Variants in RPTOR observed in about 807,000 individuals in gnomAD.
RPTOR encodes regulatory associated protein of MTOR complex 1, also known as regulatory-associated protein of mTOR.
In RPTOR, 21 loss-of-function variants were observed where a neutral mutation model predicts 169.9. That is an observed-to-expected ratio of 0.12 (90% CI 0.09 to 0.18). The LOEUF is 0.18. Ranked by LOEUF, RPTOR falls within the 10% of genes least tolerant of loss-of-function variation. The pLI is 1.00. For synonymous variants in RPTOR, 732 were observed against 753.2 expected (o/e 0.97, Z 0.46); for missense variants, 1,133 against 1,855.9 (o/e 0.61, Z 7.16).
At chr17:80,642,857 G>A (rs566456484) in intron 2 of RPTOR, among the ~76,000 whole-genome samples, 1 of 152,136 alleles carries the variant, frequency 6.6e-6, no homozygotes. Context: ...AAATGCCACA[G>A]GCGAATGCAA....
intron 29 of RPTOR, among the ~76,000 whole-genome samples, chr17:80,958,202 C>A (rs1568010905): frequency 2.5e-5 from 1 of 40,240 alleles, no homozygotes; most frequent in East Asian, 6.5e-4. Flanking sequence ...ACCTCACCCC[C>A]CCCCCCCACC....
At chr17:80,564,453 AC>A (rs2084549680) in intron 1 of RPTOR, among the ~76,000 whole-genome samples, 2 of 151,938 alleles carry the variant, frequency 1.3e-5, no homozygotes, top group East Asian at 3.9e-4. Flanking sequence ...ATACCGCCAC[AC>A]CCTTCTTATT....
At position 80,773,887 on chromosome 17, in the gene RPTOR, G is replaced by A. The variant is rs185239107; in HGVS notation, c.831-17563G>A. On this transcript the variant is annotated intron_variant, in intron 6 of 33. Coordinates refer to ENST00000306801, the MANE Select transcript of RPTOR (RefSeq NM_020761.3). ...ATCAGAGCTCCCTCAGACGTCGACC[G>A]CTTCTGATTCCCTCCAGACAGCTCC... 1.7e-4 allele frequency: 172 copies of A among 985,360 alleles called. 1 individual carries two copies. In the African/African-American group the frequency reaches 2.3e-3, roughly 13 times the overall value. The allele number at this position is 985,360 out of a possible 1,614,324, so 61.0% of individuals were successfully genotyped here. A position where few individuals can be genotyped will look rare whatever the true frequency, so the allele number is the denominator to read the frequency against.
At chr17:80,805,796 T>C (rs565035496) in intron 7 of RPTOR, among the ~76,000 whole-genome samples, 35 of 152,250 alleles carry the variant, frequency 2.3e-4, no homozygotes, top group African/African-American at 8.4e-4. Context: ...GCCTCCAGAG[T>C]GGCCATTCCT....
chr17:80,837,017 C>T (rs1200718901), intron 9 of RPTOR, among the ~76,000 whole-genome samples: 1 of 152,084 alleles, frequency 6.6e-6, no homozygotes, highest in African/African-American at 2.4e-5. Context: ...AGGGAAAGGG[C>T]TGTGGAAGCT....
intron 1 of RPTOR, among the ~76,000 whole-genome samples, chr17:80,579,404 C>T (rs1317947841): frequency 2.0e-5 from 3 of 152,192 alleles, no homozygotes; most frequent in Non-Finnish European, 4.4e-5. Context: ...GTTGGTCAGG[C>T]TGGTTTCGAA....
chr17:80,937,592 T>C (rs1202746626), intron 24 of RPTOR, among the ~76,000 whole-genome samples: 2 of 152,212 alleles, frequency 1.3e-5, no homozygotes, highest in Non-Finnish European at 2.9e-5. Flanking sequence ...CCTCATCATG[T>C]AACAGGATCA....
rs2065457133 is a variant in RPTOR, at chr17:80,633,437, T to A, written c.265+7644T>A. The stretch of plus-strand genomic sequence containing the variant: ...CTGAAGCAGTTCCACAGGCATTCCG[T>A]GACCCTCCTCACCCTGGCGCTTGAA... On this transcript the variant is annotated intron_variant, in intron 2 of 33. Coordinates refer to ENST00000306801, the MANE Select transcript of RPTOR (RefSeq NM_020761.3). The surrounding 1 kb of genome is among the most constrained non-coding windows in gnomAD (Gnocchi z 4.1). Among the ~76,000 whole-genome samples, 1 of 152,248 alleles carries A rather than the reference T, an allele frequency of 6.6e-6. No individual in the cohort carries two copies. The highest frequency in any genetic ancestry group is 1.5e-5 in the Non-Finnish European group (1 of 68,046).
In RPTOR at chr17:80,823,348, A is replaced by ATTTTTTTTT; in HGVS notation, c.1136+125_1136+126insTTTTTTTTT. ...TAACTTGGGGACCCCGTGTAGCATT[A>ATTTTTTTTT]ACAAGTGAAGCTAAATGCAGGGCTC... On this transcript the variant is annotated intron_variant, in intron 9 of 33. Coordinates refer to ENST00000306801, the MANE Select transcript of RPTOR (RefSeq NM_020761.3). This position sits in a 1 kb window ranked among gnomAD's most constrained non-coding sequence, Gnocchi z 4.5. 2 of 1,244,916 alleles carry ATTTTTTTTT rather than the reference A, an allele frequency of 1.6e-6. No individual in the cohort carries two copies. Among genetic ancestry groups the ATTTTTTTTT allele is most frequent in the African/African-American group, 1.5e-5 (1 of 66,828 alleles). The allele number at this position is 1,244,916 out of a possible 1,614,324, so 77.1% of individuals were successfully genotyped here.
At chr17:80,807,350 T>G (rs914174474) in intron 7 of RPTOR, among the ~76,000 whole-genome samples, 1 of 151,588 alleles carries the variant, frequency 6.6e-6, no homozygotes, top group African/African-American at 2.4e-5. Context: ...CCCACCACCC[T>G]TTTTTTTGGA....
chr17:80,825,875 G>A (rs750565950), intron 9 of RPTOR, among the ~76,000 whole-genome samples: 3 of 152,286 alleles, frequency 2.0e-5, no homozygotes, highest in East Asian at 1.9e-4. Context: ...CCTTTCGGGC[G>A]CGTTCTTCTC....
rs2065638150 is a variant in RPTOR, at chr17:80,651,401, C to T, written c.348+7591C>T. Among the ~76,000 whole-genome samples the T allele has an allele frequency of 6.6e-6, 1 of 152,144 alleles. No individual in the cohort carries two copies. Among genetic ancestry groups the T allele is most frequent in the African/African-American group, 2.4e-5 (1 of 41,414 alleles). ...GGGGACGGCCACTTCAAAGTGTCTG[C>T]GGTACTTGATTTCATTTTGCAGGGG... On this transcript the variant is annotated intron_variant, in intron 3 of 33. Transcript: ENST00000306801. The surrounding 1 kb of genome is among the most constrained non-coding windows in gnomAD (Gnocchi z 4.1).
At chr17:80,805,108 C>T (rs2143551774) in intron 7 of RPTOR, 1 of 151,560 alleles carries the variant, frequency 6.6e-6, no homozygotes, top group Non-Finnish European at 1.5e-5. Flanking sequence ...AATTTACAAC[C>T]AGGCTAGGAA....
chr17:80,918,538 GAGCACCCTCACGGGGGTCATAGCCA>G (rs1487460195), intron 21 of RPTOR, among the ~76,000 whole-genome samples: 7 of 73,100 alleles, frequency 9.6e-5, no homozygotes, highest in Non-Finnish European at 1.2e-4. Flanking sequence ...TCATAGCCAT[GAGCACCCTCACGGGGGTCATAGCCA>G]TGAGGCACTA....
chr17:80,586,063 G>A (rs181867059), intron 1 of RPTOR, among the ~76,000 whole-genome samples: 189 of 152,120 alleles, frequency 1.2e-3, no homozygotes, highest in African/African-American at 4.3e-3. Context: ...GTCGGGAGGC[G>A]CTCTGCAGCC....
chr17:80,579,486 C>T (rs1234461747), intron 1 of RPTOR, among the ~76,000 whole-genome samples: 1 of 152,198 alleles, frequency 6.6e-6, no homozygotes. Flanking sequence ...GCCACCATGC[C>T]CGGCCCTTCC....
intron 20 of RPTOR, among the ~76,000 whole-genome samples, chr17:80,908,127 G>A (rs7216750): frequency 0.32 from 49,178 of 152,028 alleles, 8,086 homozygotes; most frequent in East Asian, 0.48. Context: ...AAGCCTCAGC[G>A]CTTCCCTCCA....
At chr17:80,822,050 T>A in intron 7 of RPTOR, 151 bp from the exon 8 acceptor site, 2 of 699,460 alleles carry the variant, frequency 2.9e-6, no homozygotes, top group Non-Finnish European at 5.2e-6. Flanking sequence ...GAGAGTTTGA[T>A]TCTCCCTGCC....
chr17:80,932,648 G>T (rs148607145), intron 24 of RPTOR, among the ~76,000 whole-genome samples: 193 of 152,242 alleles, frequency 1.3e-3, no homozygotes, highest in Non-Finnish European at 2.1e-3. Flanking sequence ...TTAAAGACAG[G>T]TCTATAGAAA....
Sources: allele counts gnomAD v4.1 joint callset (sites outside exome capture counted in the v4.1 genomes callset), GRCh38; gene constraint gnomAD v4.1.1; non-coding constraint Gnocchi (gnomAD v3.1); transcripts MANE v1.5; gene names NCBI Gene and HGNC (gene_info 2026-07-23, HGNC 2026-07-21).